TULP4: variants seen among roughly 807,000 people sequenced by gnomAD.
TULP4 encodes TUB like protein 4, also known as tubby-related protein 4.
TULP4 carries 16 observed loss-of-function variants against 129.0 expected under a neutral mutation model. The observed-to-expected ratio is 0.12, with a 90% CI of 0.08 to 0.19. The LOEUF (loss-of-function observed/expected upper bound fraction) is 0.19, where lower values mean the gene tolerates loss of function less well. Ranked by LOEUF, TULP4 falls within the 10% of genes least tolerant of loss-of-function variation. The probability of loss-of-function intolerance (pLI) is 1.00; values close to 1 mark genes in which losing one functional copy is unlikely to be tolerated. For synonymous variants in TULP4, 998 were observed against 854.0 expected, an observed-to-expected ratio of 1.17 and a Z score of -2.94; for missense variants, 1,842 against 2,059.1, an observed-to-expected ratio of 0.89 and a Z score of 2.04.
chr6:158,505,166 T>C (rs1231643242), intron 13 of TULP4, among the ~76,000 whole-genome samples: 1 of 152,228 alleles, frequency 6.6e-6, no homozygotes, highest in African/African-American at 2.4e-5. Context: ...CATTGGGTCC[T>C]AGTTCTTCCC....
rs1779898430 is a variant in TULP4, at chr6:158,479,811, C to A, written c.1087C>A (p.Pro363Thr). The change falls in exon 7 of 14, where the codon CCA becomes ACA. Residue 363 changes from proline (P) to threonine (T), a missense_variant. This residue lies in a region of TULP4 where 456 missense variants were observed against 534.3 expected (regional missense o/e 0.85). Coordinates refer to ENST00000367097, the MANE Select transcript of TULP4 (RefSeq NM_020245.5). ...TTCGAGGCTGTTGATGGCATCAGGA[C>A]CAGCCCTGTACGTGGTGCGTGTGGA... is the stretch of plus-strand genomic sequence containing the variant. ...RDSRLLMASG[P>T]ALYVVRVEHR... is the part of the protein sequence containing the mutation. 3 of 1,614,040 alleles carry A rather than the reference C, an allele frequency of 1.9e-6. No individual in the cohort carries two copies. The South Asian group carries it at 3.3e-5, about 18-fold the overall frequency.
At position 158,504,109 on chromosome 6, in the gene TULP4, G is replaced by A; in HGVS notation, c.4446G>A (p.Gln1482=). The A allele has an allele frequency of 6.2e-7, 1 of 1,609,158 alleles. No individual in the cohort carries two copies. The highest frequency in any genetic ancestry group is 8.5e-7 in the Non-Finnish European group (1 of 1,178,164). The change falls in exon 13 of 14, where the codon CAG becomes CAA. Residue 1482 remains glutamine (Q), a synonymous_variant. Transcript: ENST00000367097. The stretch of plus-strand genomic sequence containing the variant: ...GGAACGAGGCCACCCAGGTCTACCA[G>A]CTGGACTTCGGGGGGCGGGTGACCC... ...PLWNEATQVY[Q]LDFGGRVTQE...
At chr6:158,485,568 A>C (rs1780047577) in intron 8 of TULP4, among the ~76,000 whole-genome samples, 1 of 152,248 alleles carries the variant, frequency 6.6e-6, no homozygotes, top group African/African-American at 2.4e-5. Context: ...TCAAGAAGAA[A>C]GAAAAATAAC....
At chr6:158,383,442 AT>A (rs1196840991) in intron 1 of TULP4, among the ~76,000 whole-genome samples, 1 of 152,252 alleles carries the variant, frequency 6.6e-6, no homozygotes, top group Non-Finnish European at 1.5e-5. Context: ...AGTGTCACCC[AT>A]TTTTTAGCTA....
intron 1 of TULP4, among the ~76,000 whole-genome samples, chr6:158,375,960 C>T (rs937111322): frequency 6.6e-6 from 1 of 152,152 alleles, no homozygotes; most frequent in African/African-American, 2.4e-5. Context: ...TTACGACCTG[C>T]GGGATGGCTC....
intron 1 of TULP4, among the ~76,000 whole-genome samples, chr6:158,349,205 CA>C (rs1486169457): frequency 6.8e-6 from 1 of 146,600 alleles, no homozygotes; most frequent in African/African-American, 2.5e-5. Context: ...CCTCACCTCT[CA>C]GACGGGGTGG....
chr6:158,327,714 T>G (rs1779776969), intron 1 of TULP4, among the ~76,000 whole-genome samples: 1 of 152,032 alleles, frequency 6.6e-6, no homozygotes, highest in South Asian at 2.1e-4. Context: ...TTTTTTGAGG[T>G]TTTTTAAAGA....
At chr6:158,409,921 T>C (rs1778055638) in intron 1 of TULP4, among the ~76,000 whole-genome samples, 1 of 152,152 alleles carries the variant, frequency 6.6e-6, no homozygotes, top group South Asian at 2.1e-4. Flanking sequence ...AGTGGCATGA[T>C]CTCGGCTCAC....
chr6:158,319,687 A>G (rs1779580279), intron 1 of TULP4, among the ~76,000 whole-genome samples: 1 of 152,252 alleles, frequency 6.6e-6, no homozygotes, highest in South Asian at 2.1e-4. Context: ...AAATCTTAAC[A>G]GTTTTGGAAT....
chr6:158,455,236 G>A lies in TULP4; in HGVS notation c.859+2968G>A, dbSNP rs1358369530. On this transcript the variant is annotated intron_variant, in intron 5 of 13. Transcript: ENST00000367097. ...ACTACAGGCGCCCGCCACCGCGCCCGGCTAATTTTTTGTATTTTTAGTAGA... is the reference window on the plus strand; with the variant it reads ...ACTACAGGCGCCCGCCACCGCGCCCAGCTAATTTTTTGTATTTTTAGTAGA... Among the ~76,000 whole-genome samples, 12 of 62,742 alleles carry A rather than the reference G, an allele frequency of 1.9e-4. 4 individuals carry two copies. The highest frequency in any genetic ancestry group is 8.9e-4 in the African/African-American group (9 of 10,064). The allele number at this position is 62,742 out of a possible 152,430, so 41.2% of individuals were successfully genotyped here. A position where few individuals can be genotyped will look rare whatever the true frequency, so the allele number is the denominator to read the frequency against.
intron 1 of TULP4, among the ~76,000 whole-genome samples, chr6:158,237,145 G>A (rs887245974): frequency 6.6e-6 from 1 of 152,018 alleles, no homozygotes; most frequent in Non-Finnish European, 1.5e-5. Flanking sequence ...AAAGCTATGA[G>A]GCAACCAGTA....
intron 10 of TULP4, among the ~76,000 whole-genome samples, chr6:158,494,263 C>T (rs1467613337): frequency 2.6e-5 from 4 of 152,184 alleles, no homozygotes; most frequent in African/African-American, 4.8e-5. Flanking sequence ...AGCTTTATCT[C>T]CTCCATCAGG....
chr6:158,502,553 A>G lies in TULP4; in HGVS notation c.2890A>G (p.Ile964Val). 1.2e-6 allele frequency: 2 copies of G among 1,608,090 alleles called. No homozygotes were observed. Among genetic ancestry groups the G allele is most frequent in the Non-Finnish European group, 1.7e-6 (2 of 1,179,910 alleles). ...CGGGGACCCACCCCCGTATCCTGAA[A>G]TTGCCAGCCAGCTGGCCCAGGGGCG... ...PTGDPPPYPEIASQLAQGRGA... is the reference protein window; with the variant it reads ...PTGDPPPYPEVASQLAQGRGA... The change falls in exon 13 of 14, where the codon ATT (isoleucine) becomes GTT (valine). Residue 964 changes from isoleucine (I) to valine (V), a missense_variant. Coordinates refer to ENST00000367097, the MANE Select transcript of TULP4 (RefSeq NM_020245.5).
intron 11 of TULP4, 133 bp downstream of exon 11, chr6:158,494,979 A>C (rs776225476): frequency 4.1e-5 from 27 of 656,928 alleles, no homozygotes; most frequent in Non-Finnish European, 6.7e-5. Context: ...TTACCTCTAA[A>C]CCTTAACTTC....
intron 8 of TULP4, among the ~76,000 whole-genome samples, chr6:158,485,925 C>T (rs1240431363): frequency 6.6e-6 from 1 of 152,230 alleles, no homozygotes; most frequent in African/African-American, 2.4e-5. Flanking sequence ...TTCACAGGTT[C>T]ACAGCTGGAG....
At position 158,461,664 on chromosome 6, in the gene TULP4, A is replaced by T; in HGVS notation, c.961A>T (p.Ser321Cys). ...GELPNGPLLK[S>C]AMVKFYNVRG... ...GCTTCCCAATGGTCCCCTTCTGAAG[A>T]GTGCCATGGTCAAGTTCTACAATGT... The change falls in exon 6 of 14, where the codon AGT becomes TGT. Residue 321 changes from serine to cysteine, a missense_variant. Ser to Cys is a moderately radical substitution (Grantham distance 112). This residue lies in a region of TULP4 where 456 missense variants were observed against 534.3 expected (regional missense o/e 0.85). Coordinates refer to ENST00000367097, the MANE Select transcript of TULP4 (RefSeq NM_020245.5). 1.2e-6 allele frequency: 2 copies of T among 1,614,126 alleles called. No homozygotes were observed. Among genetic ancestry groups the T allele is most frequent in the Non-Finnish European group, 1.7e-6 (2 of 1,180,040 alleles).
At chr6:158,348,872 G>T (rs1780389388) in intron 1 of TULP4, among the ~76,000 whole-genome samples, 2 of 144,376 alleles carry the variant, frequency 1.4e-5, no homozygotes, top group Admixed American at 1.4e-4. Context: ...TCCCAGATGG[G>T]GCGGCCGGGC....
chr6:158,491,445 T>TGAGGAGTCTCG (rs1562589189), intron 9 of TULP4, among the ~76,000 whole-genome samples: 2 of 58,366 alleles, frequency 3.4e-5, no homozygotes, highest in African/African-American at 1.2e-4. Flanking sequence ...TTCTTTCTTT[T>TGAGGAGTCTCG]CTTTCTTTCT....
chr6:158,245,879 G>A (rs1778019264), intron 1 of TULP4, among the ~76,000 whole-genome samples: 1 of 152,186 alleles, frequency 6.6e-6, no homozygotes, highest in Non-Finnish European at 1.5e-5. Context: ...GAGGATCTAA[G>A]CTCCAGAAAC....
Sources: gnomAD v4.1 joint callset for allele counts (sites outside exome capture counted in the v4.1 genomes callset) on GRCh38, gnomAD v4.1.1 for gene constraint, gnomAD v4.1.1 regional missense constraint, MANE v1.5 for transcripts, NCBI Gene and HGNC (gene_info 2026-07-23, HGNC 2026-07-21) for gene names.